PIWIL2: variants seen among roughly 807,000 people sequenced by gnomAD.
The protein encoded by PIWIL2 is piwi-like protein 2.
In PIWIL2, 81 loss-of-function variants were observed where a neutral mutation model predicts 116.5. The observed-to-expected ratio is 0.70, with a 90% CI of 0.58 to 0.84. The LOEUF (loss-of-function observed/expected upper bound fraction) is 0.84. Ranked by LOEUF, PIWIL2 falls within the 40% of genes least tolerant of loss-of-function variation. PIWIL2 has a pLI of 0.00. For missense variants in PIWIL2, 1,272 were observed against 1,212.3 expected (o/e 1.05, Z -0.73); for synonymous variants, 489 against 429.5 (o/e 1.14, Z -1.71).
At chr8:22,325,698 G>A (rs1266996502) in intron 20 of PIWIL2, among the ~76,000 whole-genome samples, 1 of 151,882 alleles carries the variant, frequency 6.6e-6, no homozygotes, top group African/African-American at 2.4e-5. Flanking sequence ...TGACCAACCT[G>A]GTCTCAGACT....
intron 5 of PIWIL2, 43 bp from the exon 6 acceptor site, chr8:22,284,119 T>C (rs1008764780): frequency 2.8e-6 from 3 of 1,064,842 alleles, no homozygotes; most frequent in Non-Finnish European, 4.1e-6. Flanking sequence ...TTTTGTTTTT[T>C]TGTTTTTGAT....
At chr8:22,322,683 G>A (rs1180419413) in intron 20 of PIWIL2, among the ~76,000 whole-genome samples, 2 of 151,894 alleles carry the variant, frequency 1.3e-5, no homozygotes, top group Admixed American at 6.6e-5. Context: ...GTCCTTTACA[G>A]GCACATGCCA....
chr8:22,301,885 T>C (rs549866168), intron 10 of PIWIL2, among the ~76,000 whole-genome samples: 1 of 152,300 alleles, frequency 6.6e-6, no homozygotes, highest in East Asian at 1.9e-4. Context: ...TCCCTACTGA[T>C]TTACCTTGAC....
rs771389208 is a variant in PIWIL2 at position 22,305,912 on chromosome 8, G to A, written c.1456-15G>A. On this transcript the variant is annotated splice_polypyrimidine_tract_variant and intron_variant, in intron 12 of 22. Coordinates refer to ENST00000356766, the MANE Select transcript of PIWIL2 (RefSeq NM_018068.5). ...TTGTACTGCCTTATTTTCCCTCTTC[G>A]TTCTCTCTTCAAAGCTGCTAAAAGG... 11 of 1,602,372 alleles carry A rather than the reference G, an allele frequency of 6.9e-6. No individual in the cohort carries two copies. Among genetic ancestry groups the A allele is most frequent in the East Asian group, 2.2e-5 (1 of 44,810 alleles).
At chr8:22,336,171 C>T (rs1441847432) in intron 20 of PIWIL2, among the ~76,000 whole-genome samples, 2 of 152,188 alleles carry the variant, frequency 1.3e-5, no homozygotes, top group Admixed American at 6.6e-5. Context: ...CTATAAAACA[C>T]TCCACCCAGC....
intron 20 of PIWIL2, 48 bp downstream of exon 20, chr8:22,318,323 A>AT (rs112432255): frequency 0.036 from 30,193 of 842,076 alleles, 1 homozygote; most frequent in East Asian, 0.05. Context: ...TTGTTTTTTT[A>AT]TTTTTTTTTT....
At chr8:22,322,127 C>T (rs955098979) in intron 20 of PIWIL2, 4 of 215,646 alleles carry the variant, frequency 1.9e-5, no homozygotes, top group Non-Finnish European at 3.2e-5. Flanking sequence ...TCATTGTCAA[C>T]GTCTTGCCTT....
At chr8:22,350,354 G>A (rs1832326489) in intron 20 of PIWIL2, among the ~76,000 whole-genome samples, 1 of 152,162 alleles carries the variant, frequency 6.6e-6, no homozygotes. Flanking sequence ...TCAGCACTTT[G>A]GGAGGCCAAG....
At chr8:22,338,250 A>G (rs1023702685) in intron 20 of PIWIL2, among the ~76,000 whole-genome samples, 8 of 152,220 alleles carry the variant, frequency 5.3e-5, no homozygotes, top group Admixed American at 2.0e-4. Context: ...ATCCCAGGGA[A>G]CCAACAACAA....
intron 6 of PIWIL2, among the ~76,000 whole-genome samples, chr8:22,287,256 T>C (rs2131992714): frequency 6.6e-6 from 1 of 152,268 alleles, no homozygotes; most frequent in South Asian, 2.1e-4. Context: ...CAAAAACAAA[T>C]GTGTATATAT....
At chr8:22,352,409 G>A (rs953186120) in intron 20 of PIWIL2, among the ~76,000 whole-genome samples, 4 of 152,174 alleles carry the variant, frequency 2.6e-5, no homozygotes, top group African/African-American at 9.6e-5. Flanking sequence ...CAGTAAAAAT[G>A]TTTTACTGTA....
intron 16 of PIWIL2, 53 bp downstream of exon 16, chr8:22,311,353 A>G (rs1586566934): frequency 1.4e-6 from 2 of 1,412,220 alleles, no homozygotes; most frequent in South Asian, 1.2e-5. Flanking sequence ...AATTACTTAA[A>G]TACTTAATTT....
At chr8:22,340,045 A>ATTTTTTTTTT (rs10626386) in intron 20 of PIWIL2, among the ~76,000 whole-genome samples, 6 of 93,774 alleles carry the variant, frequency 6.4e-5, no homozygotes, top group African/African-American at 8.1e-5. Flanking sequence ...TATAAAAAGA[A>ATTTTTTTTTT]TTTTTTTTTT....
intron 10 of PIWIL2, among the ~76,000 whole-genome samples, chr8:22,292,253 T>C (rs1486903935): frequency 6.6e-6 from 1 of 152,006 alleles, no homozygotes; most frequent in African/African-American, 2.4e-5. Flanking sequence ...CTTTGAGCAG[T>C]GCACGGGCAA....
chr8:22,304,805 T>G lies in PIWIL2; in HGVS notation c.1392T>G (p.Val464=), dbSNP rs1831136343. Reference sequence around the variant, plus strand: ...CTAGCAAAAATTATGGGATCACAGTTAAGGAAGAGGACCAGCCATTGCTGA... The same window carrying G: ...CTAGCAAAAATTATGGGATCACAGTGAAGGAAGAGGACCAGCCATTGCTGA... ...EYYSKNYGIT[V]KEEDQPLLIH... is the part of the protein sequence containing the mutation. Residue 464 remains valine, a synonymous_variant, in exon 12 of 23, where the codon GTT becomes GTG. Transcript: ENST00000356766. The G allele has an allele frequency of 6.2e-7, 1 of 1,613,344 alleles. No individual in the cohort carries two copies. Among genetic ancestry groups the G allele is most frequent in the Admixed American group, 1.7e-5 (1 of 59,986 alleles).
At chr8:22,337,500 G>A (rs768435569) in intron 20 of PIWIL2, among the ~76,000 whole-genome samples, 10 of 150,332 alleles carry the variant, frequency 6.7e-5, no homozygotes, top group African/African-American at 1.7e-4. Context: ...AGGCTGAGGC[G>A]GGTGGATCAC....
rs368293493 is a variant in PIWIL2 at position 22,310,096 on chromosome 8, A to G, written c.1800+22A>G. 13 of 1,260,600 alleles carry G rather than the reference A, an allele frequency of 1.0e-5. No homozygotes were observed. The African/African-American group carries it at 1.6e-4, about 16-fold the overall frequency. The allele number at this position is 1,260,600 out of a possible 1,614,324, so 78.1% of individuals were successfully genotyped here. A position where few individuals can be genotyped will look rare whatever the true frequency, so the allele number is the denominator to read the frequency against. The stretch of plus-strand genomic sequence containing the variant: ...GACTGTAAGTGATTTTTGAAGTGAT[A>G]AAGAGAGGACCAGTATTCCCCAAAG... On this transcript the variant is annotated intron_variant, in intron 15 of 22. Coordinates refer to ENST00000356766, the MANE Select transcript of PIWIL2 (RefSeq NM_018068.5).
chr8:22,277,324 C>T (rs1293129910), intron 1 of PIWIL2, among the ~76,000 whole-genome samples: 2 of 151,950 alleles, frequency 1.3e-5, no homozygotes, highest in East Asian at 3.9e-4. Flanking sequence ...GCCCGACCTA[C>T]AGGTTATGAA....
chr8:22,282,137 G>T (rs1175428494), intron 4 of PIWIL2, among the ~76,000 whole-genome samples: 1 of 128,248 alleles, frequency 7.8e-6, no homozygotes, highest in Non-Finnish European at 1.6e-5. Context: ...CTGGAATGCA[G>T]TGGGGCAATC....
Sources: allele counts gnomAD v4.1 joint callset (sites outside exome capture counted in the v4.1 genomes callset), GRCh38; gene constraint gnomAD v4.1.1; transcripts MANE v1.5; gene names NCBI Gene and HGNC (gene_info 2026-07-23, HGNC 2026-07-21).